Variants in REPS1 observed in about 807,000 individuals in gnomAD.
REPS1 encodes RALBP1 associated Eps domain containing 1, also known as ralBP1-associated Eps domain-containing protein 1.
A neutral mutation model predicts 100.9 loss-of-function variants in REPS1; 39 were observed. The observed-to-expected ratio is 0.39, with a 90% CI of 0.30 to 0.50. REPS1 has a LOEUF of 0.50. Ranked by LOEUF, REPS1 falls within the 20% of genes least tolerant of loss-of-function variation. The pLI, the probability that REPS1 is intolerant of heterozygous loss-of-function variation, is 0.86. For missense variants in REPS1, 821 were observed against 968.5 expected, an observed-to-expected ratio of 0.85 and a Z score of 2.02; for synonymous variants, 324 against 340.3, an observed-to-expected ratio of 0.95 and a Z score of 0.53.
At chr6:138,911,578 G>A (rs549405869) in intron 16 of REPS1, among the ~76,000 whole-genome samples, 8 of 152,340 alleles carry the variant, frequency 5.3e-5, no homozygotes, top group African/African-American at 1.9e-4. Context: ...GTGTGAGGGA[G>A]AGGAGGACAG....
At chr6:138,925,531 G>A (rs1252379667) in intron 10 of REPS1, among the ~76,000 whole-genome samples, 1 of 151,884 alleles carries the variant, frequency 6.6e-6, no homozygotes, top group Non-Finnish European at 1.5e-5. Context: ...TAGAAAGAAC[G>A]ACTTATGTCA....
rs1484194860 is a variant in REPS1 at position 138,987,817 on chromosome 6, C to A, written c.-135G>T. 3.8e-5 allele frequency: 45 copies of A among 1,174,408 alleles called. No individual in the cohort carries two copies. The Admixed American group carries it at 1.4e-3, about 37-fold the overall frequency. 72.7% of individuals were successfully genotyped at this position (1,174,408 alleles called of 1,614,324 possible). A position where few individuals can be genotyped will look rare whatever the true frequency, so the allele number is the denominator to read the frequency against. ...CGAAAACGCCGGCCCCGGCCTCACA[C>A]GCGCCAGGTGCGCCCGAGCAACAGG... is the stretch of plus-strand genomic sequence containing the variant. On this transcript the variant is annotated 5_prime_UTR_variant, in exon 1 of 20. Transcript: ENST00000450536.
chr6:138,948,189 A>G (rs1220672294), intron 1 of REPS1, among the ~76,000 whole-genome samples: 4 of 152,224 alleles, frequency 2.6e-5, no homozygotes, highest in Non-Finnish European at 5.9e-5. Context: ...ACATTTTTAA[A>G]GAAACAACGT....
chr6:138,941,210 A>G, intron 8 of REPS1, 125 bp downstream of exon 8: 1 of 1,016,494 alleles, frequency 9.8e-7, no homozygotes, highest in Non-Finnish European at 1.5e-6. Context: ...TGACAAATCT[A>G]TGTACACTTG....
At chr6:138,973,185 G>A (rs1166137114) in intron 1 of REPS1, among the ~76,000 whole-genome samples, 1 of 152,132 alleles carries the variant, frequency 6.6e-6, no homozygotes. Flanking sequence ...ATCTGGTTGG[G>A]ATGATTAGGA....
intron 10 of REPS1, 86 bp downstream of exon 10, chr6:138,926,315 C>A: frequency 1.0e-6 from 1 of 965,414 alleles, no homozygotes; most frequent in South Asian, 1.4e-5. Context: ...TCCACTGAAT[C>A]ATGCATATCA....
intron 10 of REPS1, among the ~76,000 whole-genome samples, chr6:138,922,668 A>G (rs1347992838): frequency 1.3e-5 from 2 of 152,226 alleles, no homozygotes; most frequent in African/African-American, 4.8e-5. Context: ...GCTGAGAAAC[A>G]TCACCAAGGG....
chr6:138,987,772 CCG>C lies in REPS1; in HGVS notation c.-92_-91del, dbSNP rs1785360687. 1.5e-6 allele frequency: 2 copies of C among 1,371,502 alleles called. No homozygotes were observed. The highest frequency in any genetic ancestry group is 3.1e-5 in the African/African-American group (2 of 65,256). 85.0% of individuals were successfully genotyped at this position (1,371,502 alleles called of 1,614,324 possible). ...TGGGCCGGCAGGGGCTGCGCGTGGC[CCG>C]GCCTCCTGCTAGCTTCCCGAAAACG... is the stretch of plus-strand genomic sequence containing the variant. On this transcript the variant is annotated 5_prime_UTR_variant, in exon 1 of 20. Coordinates refer to ENST00000450536, the MANE Select transcript of REPS1 (RefSeq NM_001286611.2).
rs368729154 is a variant in REPS1, at chr6:138,958,642, T to C, written c.154-10729A>G. ...ATTTTGTAAACATATTAGTACATTG[T>C]AGTATACTGCAATTATGTATTCAGG... On this transcript the variant is annotated intron_variant, in intron 1 of 19. Transcript: ENST00000450536. Among the ~76,000 whole-genome samples, 4 of 152,334 alleles carry C rather than the reference T, an allele frequency of 2.6e-5. 1 individual carries two copies. Among genetic ancestry groups the C allele is most frequent in the Admixed American group, 6.5e-5 (1 of 15,308 alleles).
chr6:138,925,365 TCAAAAAACAAAAA>T (rs894478312), intron 10 of REPS1, among the ~76,000 whole-genome samples: 15 of 152,148 alleles, frequency 9.9e-5, no homozygotes, highest in South Asian at 8.3e-4. Context: ...AGGCTCCAAC[TCAAAAAACAAAAA>T]CAAAAAACAA....
chr6:138,980,621 T>C (rs1385215709), intron 1 of REPS1, among the ~76,000 whole-genome samples: 1 of 129,684 alleles, frequency 7.7e-6, no homozygotes, highest in Non-Finnish European at 1.6e-5. Context: ...CCTCTGATTC[T>C]ACCACCCAAT....
rs746432871 is a variant in REPS1, at chr6:138,944,609, A to T, written c.642T>A (p.Gly214=). 6.2e-7 allele frequency: 1 copy of T among 1,613,780 alleles called. No homozygotes were observed. The highest frequency in any genetic ancestry group is 8.5e-7 in the Non-Finnish European group (1 of 1,179,900). Residue 214 remains glycine, a synonymous_variant, in exon 5 of 20, where the codon GGT becomes GGA. Coordinates refer to ENST00000450536, the MANE Select transcript of REPS1 (RefSeq NM_001286611.2). ...FGEAQSGSSA[G]DAVWSGHSPP... is the part of the protein sequence containing the mutation. The stretch of plus-strand genomic sequence containing the variant: ...GGGAATGCCCTGACCACACTGCATC[A>T]CCAGCAGAAGAACCTATAAGGAGAA...
At chr6:138,982,950 C>T (rs958290110) in intron 1 of REPS1, among the ~76,000 whole-genome samples, 8 of 152,194 alleles carry the variant, frequency 5.3e-5, no homozygotes, top group Non-Finnish European at 1.2e-4. Flanking sequence ...AAACTACTTA[C>T]TACGCAAAGG....
chr6:138,979,020 AG>A (rs1477566317), intron 1 of REPS1, among the ~76,000 whole-genome samples: 1 of 151,934 alleles, frequency 6.6e-6, no homozygotes, highest in Non-Finnish European at 1.5e-5. Flanking sequence ...GTCTCTACTA[AG>A]AAGACAAAAA....
intron 1 of REPS1, among the ~76,000 whole-genome samples, chr6:138,973,582 TCTGA>T (rs967594506): frequency 1.6e-4 from 18 of 114,342 alleles, no homozygotes; most frequent in Non-Finnish European, 8.1e-5. Context: ...CAGAAAGTAA[TCTGA>T]CTTTCACTCT....
chr6:138,925,326 C>A (rs1173698770), intron 10 of REPS1, among the ~76,000 whole-genome samples: 1 of 152,118 alleles, frequency 6.6e-6, no homozygotes, highest in African/African-American at 2.4e-5. Flanking sequence ...GAGATCGCAC[C>A]ACTGCACTCC....
At chr6:138,906,847 G>A (rs1353901937) in intron 19 of REPS1, among the ~76,000 whole-genome samples, 1 of 152,096 alleles carries the variant, frequency 6.6e-6, no homozygotes, top group Non-Finnish European at 1.5e-5. Flanking sequence ...CTTAAGGTTT[G>A]AGAACCACTG....
intron 8 of REPS1, among the ~76,000 whole-genome samples, chr6:138,935,626 C>T (rs533651917): frequency 8.6e-5 from 13 of 152,000 alleles, no homozygotes; most frequent in East Asian, 3.9e-4. Flanking sequence ...AAGACCGAGG[C>T]AGGCGCTTCA....
At chr6:138,931,086 C>A (rs1255690456) in intron 8 of REPS1, among the ~76,000 whole-genome samples, 2 of 152,086 alleles carry the variant, frequency 1.3e-5, no homozygotes, top group Non-Finnish European at 2.9e-5. Context: ...GAACTCATAT[C>A]AAAAATATCA....
Sources: gnomAD v4.1 joint callset for allele counts (sites outside exome capture counted in the v4.1 genomes callset) on GRCh38, gnomAD v4.1.1 for gene constraint, MANE v1.5 for transcripts, NCBI Gene and HGNC (gene_info 2026-07-23, HGNC 2026-07-21) for gene names.